Variants in COLGALT2 observed in about 807,000 individuals in gnomAD.
COLGALT2 encodes the protein collagen beta(1-O)galactosyltransferase 2.
In COLGALT2, 49 loss-of-function variants were observed where a neutral mutation model predicts 73.4. The ratio of observed to expected loss-of-function variants is 0.67; its 90% confidence interval spans 0.53 to 0.85. The LOEUF is 0.85. Ranked by LOEUF, COLGALT2 falls within the 40% of genes least tolerant of loss-of-function variation. The pLI, the probability that COLGALT2 is intolerant of heterozygous loss-of-function variation, is 0.00. For missense variants in COLGALT2, 722 were observed against 790.2 expected, an observed-to-expected ratio of 0.91 and a Z score of 1.03; for synonymous variants, 295 against 307.6, an observed-to-expected ratio of 0.96 and a Z score of 0.43.
intron 1 of COLGALT2, among the ~76,000 whole-genome samples, chr1:183,990,471 A>C (rs941770191): frequency 2.0e-5 from 3 of 152,350 alleles, no homozygotes; most frequent in Middle Eastern, 3.4e-3. Context: ...TTTCTCACAG[A>C]TGGACAGGAA....
intron 1 of COLGALT2, among the ~76,000 whole-genome samples, chr1:183,994,328 G>C (rs549941626): frequency 1.3e-5 from 2 of 151,764 alleles, no homozygotes; most frequent in African/African-American, 4.8e-5. Context: ...ATGAGCCACC[G>C]CACCTGGCCT....
intron 6 of COLGALT2, among the ~76,000 whole-genome samples, chr1:183,955,285 A>G (rs1231980145): frequency 6.6e-6 from 1 of 152,204 alleles, no homozygotes; most frequent in African/African-American, 2.4e-5. Flanking sequence ...AGCACTCACC[A>G]CTTTAACACA....
rs1045873525 is a variant in COLGALT2, at chr1:183,936,187, A to T, written c.*2574T>A. ...CCCAGATGCAAAGGCCTCTATACTG[A>T]CGCCCTCACATGACACTGCAAAGGT... is the stretch of plus-strand genomic sequence containing the variant. On this transcript the variant is annotated 3_prime_UTR_variant, in exon 12 of 12. Coordinates refer to ENST00000361927, the MANE Select transcript of COLGALT2 (RefSeq NM_015101.4). 1.0e-6 allele frequency: 1 copy of T among 985,522 alleles called. No individual in the cohort carries two copies. Among genetic ancestry groups the T allele is most frequent in the South Asian group, 4.7e-5 (1 of 21,282 alleles). 61.0% of individuals were successfully genotyped at this position (985,522 alleles called of 1,614,324 possible). A position where few individuals can be genotyped will look rare whatever the true frequency, so the allele number is the denominator to read the frequency against.
At chr1:183,965,270 G>T (rs1670835427) in intron 5 of COLGALT2, among the ~76,000 whole-genome samples, 1 of 152,140 alleles carries the variant, frequency 6.6e-6, no homozygotes, top group South Asian at 2.1e-4. Flanking sequence ...TATTAAAGTT[G>T]CATCTCTACC....
At position 183,951,067 on chromosome 1, in the gene COLGALT2, A is replaced by G. The variant is rs1225532083; in HGVS notation, c.1076T>C (p.Met359Thr). The G allele has an allele frequency of 1.9e-6, 3 of 1,613,864 alleles. No individual in the cohort carries two copies. Among genetic ancestry groups the G allele is most frequent in the Non-Finnish European group, 1.7e-6 (2 of 1,179,904 alleles). Residue 359 changes from methionine to threonine, a missense_variant, in exon 8 of 12, where the codon ATG becomes ACG. Transcript: ENST00000361927. ...LKRRKDRRDRMLRTLYEQEIE... is the reference protein window; with the variant it reads ...LKRRKDRRDRTLRTLYEQEIE... ...CTCCTGTTCATACAGTGTGCGCAGC[A>G]TCCGGTCCCGCCTGTCCTTTCTGCG...
intron 6 of COLGALT2, among the ~76,000 whole-genome samples, chr1:183,960,727 T>A (rs957177653): frequency 3.3e-5 from 5 of 152,236 alleles, no homozygotes; most frequent in Non-Finnish European, 7.3e-5. Context: ...CAATACAAAT[T>A]TGTAAACTTT....
intron 1 of COLGALT2, among the ~76,000 whole-genome samples, chr1:184,012,300 CTATT>C (rs796547237): frequency 4.7e-4 from 71 of 152,248 alleles, no homozygotes; most frequent in African/African-American, 1.6e-3. Context: ...AGAAAAGAAA[CTATT>C]TATTCAGAGA....
intron 1 of COLGALT2, among the ~76,000 whole-genome samples, chr1:184,026,229 C>A (rs752050496): frequency 6.6e-6 from 1 of 151,992 alleles, no homozygotes; most frequent in African/African-American, 2.4e-5. Context: ...GACCCCACTG[C>A]CACCAGCCTC....
intron 7 of COLGALT2, among the ~76,000 whole-genome samples, chr1:183,954,509 A>G (rs116104334): frequency 0.014 from 2,200 of 152,366 alleles, 26 homozygotes; most frequent in Non-Finnish European, 0.024. Flanking sequence ...AAAATATCAA[A>G]TTCACTTTCA....
intron 1 of COLGALT2, among the ~76,000 whole-genome samples, chr1:183,979,113 T>C (rs1268259565): frequency 2.0e-5 from 3 of 152,176 alleles, no homozygotes; most frequent in South Asian, 4.1e-4. Flanking sequence ...GTTTACAAAA[T>C]AGAGTATTTT....
chr1:183,956,139 C>T (rs1670550562), intron 6 of COLGALT2, among the ~76,000 whole-genome samples: 1 of 152,212 alleles, frequency 6.6e-6, no homozygotes, highest in Admixed American at 6.5e-5. Flanking sequence ...TGAAGCCAAT[C>T]AGATTTTTAT....
intron 1 of COLGALT2, among the ~76,000 whole-genome samples, chr1:184,015,352 T>G (rs978476006): frequency 6.6e-6 from 1 of 152,210 alleles, no homozygotes; most frequent in Non-Finnish European, 1.5e-5. Flanking sequence ...CCAGGTGCTC[T>G]AACCAACGTT....
chr1:183,987,237 T>G (rs747358388), intron 1 of COLGALT2, among the ~76,000 whole-genome samples: 1 of 152,206 alleles, frequency 6.6e-6, no homozygotes, highest in Non-Finnish European at 1.5e-5. Flanking sequence ...TCGTTCTCCT[T>G]TGGCCCTTGT....
chr1:184,011,769 A>G (rs569546974), intron 1 of COLGALT2, among the ~76,000 whole-genome samples: 1 of 152,216 alleles, frequency 6.6e-6, no homozygotes, highest in Non-Finnish European at 1.5e-5. Flanking sequence ...TAAAACCTAC[A>G]TGTGAGGTGT....
intron 6 of COLGALT2, among the ~76,000 whole-genome samples, chr1:183,960,633 T>C (rs750643606): frequency 8.5e-5 from 13 of 152,368 alleles, no homozygotes; most frequent in Non-Finnish European, 1.6e-4. Context: ...TGTTTGCTCA[T>C]GAACAAAATG....
intron 6 of COLGALT2, among the ~76,000 whole-genome samples, chr1:183,955,458 C>T (rs1243143262): frequency 2.0e-5 from 3 of 152,060 alleles, no homozygotes; most frequent in African/African-American, 4.8e-5. Flanking sequence ...GGTGTGGGTG[C>T]GCAAAAGGTC....
intron 1 of COLGALT2, among the ~76,000 whole-genome samples, chr1:183,987,739 G>T (rs1302191185): frequency 6.6e-6 from 1 of 152,200 alleles, no homozygotes; most frequent in Non-Finnish European, 1.5e-5. Context: ...ACAAAGAAAT[G>T]AAATGGGCCA....
chr1:183,968,742 G>T (rs1281432309), intron 5 of COLGALT2, among the ~76,000 whole-genome samples: 1 of 152,150 alleles, frequency 6.6e-6, no homozygotes, highest in Admixed American at 6.5e-5. Flanking sequence ...ATCCATGGTG[G>T]TGAGACACCT....
chr1:183,962,154 CTTTTTTTTTTTT>C (rs34873073), intron 6 of COLGALT2, among the ~76,000 whole-genome samples: 10 of 85,540 alleles, frequency 1.2e-4, no homozygotes, highest in Admixed American at 3.2e-4. Flanking sequence ...TTTTCTCTTT[CTTTTTTTTTTTT>C]TTTTTTTTTT....
Sources: allele counts gnomAD v4.1 joint callset (sites outside exome capture counted in the v4.1 genomes callset), GRCh38; gene constraint gnomAD v4.1.1; transcripts MANE v1.5; gene names NCBI Gene and HGNC (gene_info 2026-07-23, HGNC 2026-07-21).